IKBIP: variants seen among roughly 807,000 people sequenced by gnomAD.
IKBIP encodes the protein inhibitor of nuclear factor kappa-B kinase-interacting protein.
A neutral mutation model predicts 31.0 loss-of-function variants in IKBIP; 28 were observed. That is an observed-to-expected ratio of 0.90 (90% CI 0.67 to 1.24). The LOEUF is 1.24. Ranked by LOEUF, IKBIP falls within the 50% of genes most tolerant of loss-of-function variation. IKBIP has a pLI of 0.00. For missense variants in IKBIP, 453 were observed against 441.9 expected (o/e 1.03, Z -0.23); for synonymous variants, 164 against 160.3 (o/e 1.02, Z -0.17).
At chr12:98,629,657 C>G (rs2097618110) in intron 2 of IKBIP, among the ~76,000 whole-genome samples, 1 of 152,126 alleles carries the variant, frequency 6.6e-6, no homozygotes, top group East Asian at 1.9e-4. Flanking sequence ...AGCCATAATA[C>G]AAGTTCCTTT....
downstream of IKBIP, among the ~76,000 whole-genome samples, chr12:98,621,080 T>C (rs149496647): frequency 0.016 from 2,471 of 152,064 alleles, 36 homozygotes; most frequent in East Asian, 0.063. Context: ...AAACCCCATC[T>C]CTACTAAAAA....
rs754353565 is a variant in IKBIP at position 98,626,495 on chromosome 12, G to A, written c.569C>T (p.Ser190Leu). The A allele has an allele frequency of 1.1e-5, 17 of 1,613,446 alleles. No homozygotes were observed. The highest frequency in any genetic ancestry group is 1.2e-5 in the Non-Finnish European group (14 of 1,179,996). The part of the protein sequence containing the change: ...IHSQVTVQIN[S>L]AEQEIKLLTE... ...GAGCAATTTTATTTCCTGCTCAGCT[G>A]AGTTAATTTGGACAGTTACTTGAGA... Residue 190 changes from serine to leucine, a missense_variant, in exon 3 of 3, where the codon TCA (serine) becomes TTA (leucine). Physicochemically the swap from Ser to Leu is moderately radical, Grantham distance 145. Transcript: ENST00000299157.
At position 98,644,549 on chromosome 12, in the gene IKBIP, C is replaced by A. The variant is rs1405500162; in HGVS notation, c.153G>T (p.Ser51=). The A allele has an allele frequency of 6.2e-7, 1 of 1,605,934 alleles. No individual in the cohort carries two copies. The highest frequency in any genetic ancestry group is 8.5e-7 in the Non-Finnish European group (1 of 1,176,918). ...AGGCCAGGCCCAGGCACGTCCCCAG[C>A]GACAGCAGGCTCAGGCACGTTCGGG... is the stretch of plus-strand genomic sequence containing the variant. ...ADPRTCLSLL[S]LGTCLGLAWF... The change falls in exon 1 of 3, where the codon TCG becomes TCT. Residue 51 remains serine, a synonymous_variant. Transcript: ENST00000299157.
Position 98,644,750 on chromosome 12 carries a change from G to C in IKBIP, c.-49C>G, listed in dbSNP as rs763493399. ...GCCCAGGGCAGCTTCTTCACCAGGG[G>C]GAGCAGGACGTGGCCGCCTTGGCGT... On this transcript the variant is annotated 5_prime_UTR_variant, in exon 1 of 3. Coordinates refer to ENST00000299157, the MANE Select transcript of IKBIP (RefSeq NM_153687.4). 1.9e-6 allele frequency: 3 copies of C among 1,563,112 alleles called. No individual in the cohort carries two copies. Among genetic ancestry groups the C allele is most frequent in the Non-Finnish European group, 2.6e-6 (3 of 1,161,562 alleles).
At chr12:98,621,882 C>A (rs1390660466), downstream of IKBIP, among the ~76,000 whole-genome samples, 1 of 151,812 alleles carries the variant, frequency 6.6e-6, no homozygotes, top group Non-Finnish European at 1.5e-5. Flanking sequence ...TCGAGACCAT[C>A]CTGGCCAACA....
chr12:98,635,026 A>T (rs1212129558), intron 1 of IKBIP, among the ~76,000 whole-genome samples: 34 of 121,714 alleles, frequency 2.8e-4, no homozygotes, highest in African/African-American at 9.9e-4. Context: ...TTTTTTTTAG[A>T]TGGAGTTTTG....
intron 1 of IKBIP, among the ~76,000 whole-genome samples, chr12:98,638,231 T>C (rs1423916428): frequency 1.3e-5 from 2 of 152,212 alleles, no homozygotes; most frequent in African/African-American, 4.8e-5. Flanking sequence ...ATAACCACTT[T>C]GGGCAAGTTA....
chr12:98,621,782 A>G (rs541054636), downstream of IKBIP, among the ~76,000 whole-genome samples: 1 of 152,278 alleles, frequency 6.6e-6, no homozygotes, highest in South Asian at 2.1e-4. Context: ...AGCTGTTATG[A>G]TGACGATAAT....
chr12:98,628,442 T>C (rs146561172), intron 2 of IKBIP, among the ~76,000 whole-genome samples: 36 of 152,340 alleles, frequency 2.4e-4, no homozygotes, highest in Non-Finnish European at 3.8e-4. Flanking sequence ...GGATAAAGTC[T>C]CAAATTCTCT....
rs1565840362 is a variant in IKBIP at position 98,626,738 on chromosome 12, T to G, written c.326A>C (p.Glu109Ala). 1.2e-6 allele frequency: 2 copies of G among 1,608,818 alleles called. No homozygotes were observed. Among genetic ancestry groups the G allele is most frequent in the Non-Finnish European group, 1.7e-6 (2 of 1,176,826 alleles). Reference sequence around the variant, plus strand: ...CATCAAAGACATGGATGATGTAGCTTCCTGCAGGATGCTTTCAGTAGACTC... The same window carrying G: ...CATCAAAGACATGGATGATGTAGCTGCCTGCAGGATGCTTTCAGTAGACTC... Reference protein sequence around the residue: ...KLESTESILQEATSSMSLMTQ... With the variant: ...KLESTESILQAATSSMSLMTQ... Residue 109 changes from glutamate to alanine, a missense_variant, in exon 3 of 3, where the codon GAA becomes GCA. Physicochemically the swap from Glu to Ala is moderately radical, Grantham distance 107. Coordinates refer to ENST00000299157, the MANE Select transcript of IKBIP (RefSeq NM_153687.4).
At chr12:98,613,578 T>C (rs1048908) in exon 3 of IKBIP, 451,055 of 1,403,000 alleles carry the variant, frequency 0.32, 75,829 homozygotes, top group African/African-American at 0.58. Context: ...ATCTCAATAA[T>C]GTCAAACTAA....
intron 2 of IKBIP, among the ~76,000 whole-genome samples, chr12:98,631,698 G>A (rs1426899173): frequency 4.8e-5 from 7 of 146,470 alleles, no homozygotes; most frequent in African/African-American, 1.8e-4. Context: ...ACTTGAACCC[G>A]GGAGGCGGAG....
Position 98,634,549 on chromosome 12 carries a change from T to C in IKBIP, c.180-136A>G, listed in dbSNP as rs542297198. 5.3e-6 allele frequency: 3 copies of C among 568,196 alleles called. No homozygotes were observed. In the East Asian group the frequency reaches 9.1e-5, roughly 17 times the overall value. The allele number at this position is 568,196 out of a possible 1,614,324, so 35.2% of individuals were successfully genotyped here. ...GTAGCTGTAGGTTTTTTTTTTTTTT[T>C]TTTCACACAGGGTCTCACTCTGTCA... On this transcript the variant is annotated intron_variant, in intron 1 of 2. Transcript: ENST00000299157.
chr12:98,640,579 G>A (rs934295245), intron 1 of IKBIP, among the ~76,000 whole-genome samples: 21 of 152,326 alleles, frequency 1.4e-4, no homozygotes, highest in African/African-American at 4.8e-4. Context: ...ATAAGCATGA[G>A]TGACAGGTTT....
rs370556412 is a variant in IKBIP, at chr12:98,634,401, C to T, written c.192G>A (p.Gln64=). 39 of 1,550,172 alleles carry T rather than the reference C, an allele frequency of 2.5e-5. 1 individual carries two copies. Among genetic ancestry groups the T allele is most frequent in the Admixed American group, 1.0e-4 (6 of 58,842 alleles). Reference sequence around the variant, plus strand: ...CCACCTTTGCAAATTTTTCTGACTGCTGAAATACAAACCTGGAAAAGAAAA... The same window carrying T: ...CCACCTTTGCAAATTTTTCTGACTGTTGAAATACAAACCTGGAAAAGAAAA... ...TCLGLAWFVF[Q]QSEKFAKVEN... Residue 64 remains glutamine, a synonymous_variant, in exon 2 of 3, where the codon CAG becomes CAA. Coordinates refer to ENST00000299157, the MANE Select transcript of IKBIP (RefSeq NM_153687.4).
chr12:98,630,238 A>G (rs544964269), intron 2 of IKBIP, among the ~76,000 whole-genome samples: 37 of 151,938 alleles, frequency 2.4e-4, no homozygotes, highest in Non-Finnish European at 4.7e-4. Flanking sequence ...ACAAAAAATT[A>G]GCCGGGTATG....
At chr12:98,633,510 C>CTTTTTTTTTTTTTTTTTTT (rs71432181) in intron 2 of IKBIP, among the ~76,000 whole-genome samples, 109 of 61,396 alleles carry the variant, frequency 1.8e-3, no homozygotes, top group Non-Finnish European at 2.0e-3. Flanking sequence ...TTTTTTAATT[C>CTTTTTTTTTTTTTTTTTTT]TTTTTTTTTT....
intron 2 of IKBIP, among the ~76,000 whole-genome samples, chr12:98,631,053 C>T (rs2097619715): frequency 6.6e-6 from 1 of 151,820 alleles, no homozygotes; most frequent in Non-Finnish European, 1.5e-5. Flanking sequence ...CTACCTCAGC[C>T]TCCCGAGTAG....
At chr12:98,632,483 G>GAAAAAAAAAAA (rs71081871) in intron 2 of IKBIP, among the ~76,000 whole-genome samples, 1 of 11,570 alleles carries the variant, frequency 8.6e-5, no homozygotes, top group Non-Finnish European at 1.4e-4. Flanking sequence ...GACTCTATCT[G>GAAAAAAAAAAA]AAAAAAAAAA....
Sources: allele counts gnomAD v4.1 joint callset (sites outside exome capture counted in the v4.1 genomes callset), GRCh38; gene constraint gnomAD v4.1.1; transcripts MANE v1.5; gene names NCBI Gene and HGNC (gene_info 2026-07-23, HGNC 2026-07-21).